BHMT: variants seen among roughly 807,000 people sequenced by gnomAD.
The protein encoded by BHMT is betaine--homocysteine S-methyltransferase 1.
In BHMT, 38 loss-of-function variants were observed where a neutral mutation model predicts 49.5. The ratio of observed to expected loss-of-function variants is 0.77; its 90% CI spans 0.59 to 1.01. The LOEUF is 1.01. Among genes scored for constraint, BHMT ranks in the 50% least tolerant of loss-of-function variants. The pLI is 0.00. For missense variants in BHMT, 426 were observed against 495.7 expected (o/e 0.86, Z 1.34); for synonymous variants, 166 against 176.3 (o/e 0.94, Z 0.46).
At chr5:79,118,276 G>A (rs1328952720) in intron 2 of BHMT, among the ~76,000 whole-genome samples, 3 of 152,068 alleles carry the variant, frequency 2.0e-5, no homozygotes, top group African/African-American at 4.8e-5. Flanking sequence ...GACCATCCTG[G>A]CCAACATGGC....
intron 2 of BHMT, among the ~76,000 whole-genome samples, chr5:79,117,063 T>G (rs1401282100): frequency 6.6e-6 from 1 of 152,214 alleles, no homozygotes. Flanking sequence ...CCCAGGTGAC[T>G]CTAAGATGGA....
chr5:79,121,123 C>G (rs563111123), intron 4 of BHMT, 95 bp from the exon 5 acceptor site: 10 of 1,481,314 alleles, frequency 6.8e-6, no homozygotes, highest in South Asian at 2.5e-5. Context: ...AGCACTCCAG[C>G]CTGGGTGAAA....
chr5:79,131,020 G>GAC lies in BHMT; in HGVS notation c.1126_1127dup (p.Lys377ProfsTer7), dbSNP rs1386068005. ...TGTCAAAGCCAGATGGCTGGGGAGT[G>GAC]ACCAAAGGAACAGCCGAGCTGATGC... On this transcript the variant is annotated frameshift_variant, in exon 8 of 8. Transcript: ENST00000274353. LOFTEE classifies it high-confidence loss of function. 6.2e-7 allele frequency: 1 copy of GAC among 1,613,832 alleles called. No individual in the cohort carries two copies. Among genetic ancestry groups the GAC allele is most frequent in the African/African-American group, 1.3e-5 (1 of 74,870 alleles).
intron 5 of BHMT, among the ~76,000 whole-genome samples, chr5:79,125,648 A>T (rs1756541571): frequency 6.6e-6 from 1 of 151,910 alleles, no homozygotes; most frequent in Non-Finnish European, 1.5e-5. Flanking sequence ...TTCCAATTAA[A>T]AGCTTCCTGC....
chr5:79,112,305 G>C (rs1756314370), intron 1 of BHMT, among the ~76,000 whole-genome samples: 6 of 152,172 alleles, frequency 3.9e-5, no homozygotes, highest in Admixed American at 1.3e-4. Context: ...TCTGAATCTG[G>C]CACCCCAAGA....
intron 4 of BHMT, 83 bp from the exon 5 acceptor site, chr5:79,121,135 A>G (rs1289803365): frequency 3.9e-6 from 6 of 1,533,796 alleles, no homozygotes; most frequent in Non-Finnish European, 4.4e-6. Context: ...TGGGTGAAAG[A>G]GCAAAACTCC....
intron 4 of BHMT, 73 bp from the exon 5 acceptor site, chr5:79,121,145 C>G: frequency 1.3e-6 from 2 of 1,527,870 alleles, no homozygotes; most frequent in South Asian, 1.2e-5. Context: ...AGCAAAACTC[C>G]GTCTCAAAAA....
chr5:79,123,872 G>A (rs918820722), intron 5 of BHMT, among the ~76,000 whole-genome samples: 1 of 152,068 alleles, frequency 6.6e-6, no homozygotes. Flanking sequence ...CTTTTTGGGG[G>A]TGGAAACAAT....
chr5:79,115,056 T>C (rs1371597752), intron 1 of BHMT, among the ~76,000 whole-genome samples: 1 of 152,222 alleles, frequency 6.6e-6, no homozygotes, highest in Non-Finnish European at 1.5e-5. Context: ...GAGTACAGCA[T>C]GTGCACACTC....
intron 5 of BHMT, among the ~76,000 whole-genome samples, chr5:79,124,617 G>C (rs1307496228): frequency 6.6e-6 from 1 of 152,176 alleles, no homozygotes; most frequent in Non-Finnish European, 1.5e-5. Flanking sequence ...TAAATCATCT[G>C]TGGTCCAAAT....
Position 79,111,866 on chromosome 5 carries a change from C to T in BHMT, c.-20C>T. On this transcript the variant is annotated 5_prime_UTR_variant, in exon 1 of 8. Coordinates refer to ENST00000274353, the MANE Select transcript of BHMT (RefSeq NM_001713.3). ...AGTCGGTCCGCATCCGTGTCGACCA[C>T]CTGTCTGGACACCACGAAGATGCCA... is the stretch of plus-strand genomic sequence containing the variant. 6.2e-7 allele frequency: 1 copy of T among 1,612,508 alleles called. No individual in the cohort carries two copies. The highest frequency in any genetic ancestry group is 8.5e-7 in the Non-Finnish European group (1 of 1,179,228).
Position 79,127,899 on chromosome 5 carries a change from G to A in BHMT, c.953G>A (p.Arg318Lys), listed in dbSNP as rs773721579. 2.7e-5 allele frequency: 43 copies of A among 1,613,958 alleles called. No homozygotes were observed. Among genetic ancestry groups the A allele is most frequent in the Non-Finnish European group, 3.1e-5 (37 of 1,180,010 alleles). The change falls in exon 7 of 8, where the codon AGG becomes AAG. Residue 318 changes from arginine (R) to lysine (K), a missense_variant. Physicochemically the swap from Arg to Lys is conservative, Grantham distance 26. Transcript: ENST00000274353. ...RAIAEELAPE[R>K]GFLPPASEKH... ...ATTGCAGAGGAGCTGGCCCCAGAAA[G>A]GGGCTTTTTGCCACCAGCTTCAGAA...
intron 6 of BHMT, among the ~76,000 whole-genome samples, chr5:79,127,207 C>T (rs1756566302): frequency 6.6e-6 from 1 of 152,124 alleles, no homozygotes; most frequent in Non-Finnish European, 1.5e-5. Context: ...ACCTGAAGGC[C>T]TGTTGGGAGC....
At chr5:79,125,904 C>A in intron 5 of BHMT, 142 bp from the exon 6 acceptor site, 1 of 789,544 alleles carries the variant, frequency 1.3e-6, no homozygotes, top group Non-Finnish European at 2.0e-6. Flanking sequence ...GATCACGCTA[C>A]TGCACTCCAG....
At chr5:79,120,679 C>A (rs945610497) in intron 4 of BHMT, 138 bp downstream of exon 4, 2 of 809,678 alleles carry the variant, frequency 2.5e-6, no homozygotes, top group Non-Finnish European at 3.5e-6. Context: ...AATCGTTTTC[C>A]AATTCAGGGC....
At chr5:79,119,169 G>C (rs1297697931) in intron 2 of BHMT, 90 bp from the exon 3 acceptor site, 52 of 1,036,120 alleles carry the variant, frequency 5.0e-5, no homozygotes, top group Non-Finnish European at 6.5e-5. Context: ...AATTCAAGCA[G>C]TTGTTTTCCT....
chr5:79,130,961 C>T lies in BHMT; in HGVS notation c.1066C>T (p.Arg356Trp), dbSNP rs369084085. 4.3e-6 allele frequency: 7 copies of T among 1,612,682 alleles called. No individual in the cohort carries two copies. Among genetic ancestry groups the T allele is most frequent in the Non-Finnish European group, 5.9e-6 (7 of 1,179,498 alleles). The change falls in exon 8 of 8, where the codon CGG (arginine) becomes TGG (tryptophan). Residue 356 changes from arginine to tryptophan, a missense_variant. Around this residue, in one of 3 missense-constraint regions of BHMT, gnomAD observed 73 missense variants for 68.3 expected, o/e 1.07. Coordinates refer to ENST00000274353, the MANE Select transcript of BHMT (RefSeq NM_001713.3). ...CAGGAAGGAATACTGGGAGAATCTT[C>T]GGATAGCCTCAGGCCGGCCATACAA... The part of the protein sequence containing the change: ...RARKEYWENL[R>W]IASGRPYNPS...
chr5:79,115,595 C>CA (rs753443425), intron 1 of BHMT, among the ~76,000 whole-genome samples, 172 bp from the exon 2 acceptor site: 158 of 152,174 alleles, frequency 1.0e-3, no homozygotes, highest in Non-Finnish European at 1.6e-3. Flanking sequence ...TATGAGCATT[C>CA]TGGTTGTTTG....
chr5:79,117,647 A>T (rs1299322916), intron 2 of BHMT, among the ~76,000 whole-genome samples: 1 of 152,222 alleles, frequency 6.6e-6, no homozygotes, highest in East Asian at 1.9e-4. Context: ...GTCGTCTGGG[A>T]GACAAGAGAT....
Sources: allele counts gnomAD v4.1 joint callset (sites outside exome capture counted in the v4.1 genomes callset), GRCh38; gene constraint gnomAD v4.1.1; regional missense constraint gnomAD v4.1.1; transcripts MANE v1.5; gene names NCBI Gene and HGNC (gene_info 2026-07-23, HGNC 2026-07-21).